ADK: variants seen among roughly 807,000 people sequenced by gnomAD.
The protein encoded by ADK is N6,N6-dimethyladenosine kinase.
Under a neutral mutation model 44.7 loss-of-function variants are expected in ADK, and 24 were observed. That is an observed-to-expected ratio of 0.54 (90% CI 0.39 to 0.76). The LOEUF (loss-of-function observed/expected upper bound fraction) is 0.76, where lower values mean the gene tolerates loss of function less well. ADK is among the 30% of genes least tolerant of loss of function. The probability of loss-of-function intolerance (pLI) is 0.00; values close to 1 mark genes in which losing one functional copy is unlikely to be tolerated. For missense variants in ADK, 321 were observed against 425.1 expected (o/e 0.76, Z 2.15); for synonymous variants, 128 against 142.6 (o/e 0.90, Z 0.73).
chr10:74,217,403 A>G (rs1844092364), intron 2 of ADK, among the ~76,000 whole-genome samples: 1 of 152,238 alleles, frequency 6.6e-6, no homozygotes, highest in Non-Finnish European at 1.5e-5. Flanking sequence ...CAGCTCAAGG[A>G]GGCCTTCCTG....
intron 6 of ADK, among the ~76,000 whole-genome samples, chr10:74,478,502 C>T (rs572752572): frequency 6.6e-6 from 1 of 152,332 alleles, no homozygotes; most frequent in East Asian, 1.9e-4. Flanking sequence ...GGATTAAAGA[C>T]ATGAGTGACC....
At chr10:74,464,761 T>C (rs1018377682) in intron 6 of ADK, among the ~76,000 whole-genome samples, 28 of 152,032 alleles carry the variant, frequency 1.8e-4, no homozygotes, top group African/African-American at 6.3e-4. Flanking sequence ...GATGGGTGGG[T>C]TACTTGAGCT....
At chr10:74,629,398 C>G (rs1053995297) in intron 9 of ADK, among the ~76,000 whole-genome samples, 7 of 152,136 alleles carry the variant, frequency 4.6e-5, no homozygotes, top group African/African-American at 1.4e-4. Flanking sequence ...CCTTAACTAT[C>G]AAGACCCAAG....
chr10:74,610,871 AATACATATATAGTGCTTT>A (rs1852514958), intron 9 of ADK, among the ~76,000 whole-genome samples: 1 of 152,116 alleles, frequency 6.6e-6, no homozygotes, highest in South Asian at 2.1e-4. Flanking sequence ...TATGTATGTA[AATACATATATAGTGCTTT>A]ATAGAAAGTT....
chr10:74,689,638 C>A (rs1047359326), intron 10 of ADK, among the ~76,000 whole-genome samples: 5 of 152,176 alleles, frequency 3.3e-5, no homozygotes, highest in African/African-American at 1.2e-4. Context: ...TACCTAGGAT[C>A]TTTGCTGCCA....
chr10:74,572,790 C>T (rs1431042120), intron 7 of ADK, among the ~76,000 whole-genome samples: 12 of 152,172 alleles, frequency 7.9e-5, no homozygotes, highest in Non-Finnish European at 1.3e-4. Context: ...TCCAGTTGAT[C>T]GAATCGGCTC....
chr10:74,348,861 GA>G (rs963525661), intron 4 of ADK, among the ~76,000 whole-genome samples: 98 of 146,074 alleles, frequency 6.7e-4, no homozygotes, highest in African/African-American at 1.1e-3. Flanking sequence ...CAAGATTAGA[GA>G]AAAAAAAAAT....
chr10:74,261,108 T>G (rs1591948759), intron 3 of ADK, among the ~76,000 whole-genome samples: 1 of 152,332 alleles, frequency 6.6e-6, no homozygotes, highest in South Asian at 2.1e-4. Context: ...AAGCAGTCTA[T>G]AATCGTTATT....
chr10:74,218,766 C>CAA (rs1402599106), intron 2 of ADK, among the ~76,000 whole-genome samples: 1 of 152,108 alleles, frequency 6.6e-6, no homozygotes, highest in Non-Finnish European at 1.5e-5. Context: ...TCCAGCCGAA[C>CAA]TAAGCTTCAT....
intron 4 of ADK, among the ~76,000 whole-genome samples, chr10:74,320,060 C>G (rs1459341938): frequency 6.6e-6 from 1 of 152,098 alleles, no homozygotes; most frequent in Non-Finnish European, 1.5e-5. Flanking sequence ...TACCAGAGTT[C>G]TTTACTTCTT....
chr10:74,327,837 A>G (rs1841073661), intron 4 of ADK, among the ~76,000 whole-genome samples: 1 of 152,178 alleles, frequency 6.6e-6, no homozygotes, highest in Non-Finnish European at 1.5e-5. Flanking sequence ...ATTTTAATCT[A>G]GTAACAACTT....
chr10:74,534,199 A>G (rs906774512), intron 7 of ADK, among the ~76,000 whole-genome samples: 4 of 152,216 alleles, frequency 2.6e-5, no homozygotes, highest in African/African-American at 9.6e-5. Context: ...TTGTGGTTGC[A>G]GTACTTTATA....
intron 7 of ADK, among the ~76,000 whole-genome samples, chr10:74,543,801 C>T (rs1231504843): frequency 6.6e-6 from 1 of 151,886 alleles, no homozygotes; most frequent in African/African-American, 2.4e-5. Flanking sequence ...AAAAGTAATC[C>T]AAGAACTAAA....
chr10:74,425,498 A>G (rs1390683489), intron 6 of ADK, among the ~76,000 whole-genome samples: 4 of 152,136 alleles, frequency 2.6e-5, no homozygotes, highest in Admixed American at 1.3e-4. Context: ...TAAATATTTT[A>G]AAGCTGGCTG....
In ADK at chr10:74,372,940, G is replaced by A. The variant is rs558300669; in HGVS notation, c.274-21201G>A. On this transcript the variant is annotated intron_variant, in intron 4 of 10. Transcript: ENST00000539909. The stretch of plus-strand genomic sequence containing the variant: ...GTTTCTCACTTCCCAATTAAAAAAC[G>A]TATGATGAAGCCATACCAATATGTA... Among the ~76,000 whole-genome samples the A allele has an allele frequency of 7.2e-5, 11 of 152,144 alleles. No individual in the cohort carries two copies. The South Asian group carries it at 1.7e-3, about 23-fold the overall frequency.
intron 3 of ADK, among the ~76,000 whole-genome samples, chr10:74,256,864 AT>A (rs1398967111): frequency 6.6e-6 from 1 of 152,228 alleles, no homozygotes; most frequent in Non-Finnish European, 1.5e-5. Flanking sequence ...TGAAGGAATC[AT>A]TGTAGAAGTA....
intron 9 of ADK, among the ~76,000 whole-genome samples, chr10:74,628,052 G>T (rs1206367777): frequency 6.6e-6 from 1 of 152,106 alleles, no homozygotes; most frequent in Non-Finnish European, 1.5e-5. Context: ...TCTTTGACAG[G>T]TGATATTAAG....
At chr10:74,411,437 T>G (rs539344303) in intron 6 of ADK, among the ~76,000 whole-genome samples, 2 of 152,362 alleles carry the variant, frequency 1.3e-5, no homozygotes, top group East Asian at 3.9e-4. Flanking sequence ...GCAAGTCACA[T>G]GAATATTTTG....
At chr10:74,442,100 C>CAACAT (rs1249772584) in intron 6 of ADK, among the ~76,000 whole-genome samples, 1 of 151,490 alleles carries the variant, frequency 6.6e-6, no homozygotes, top group Non-Finnish European at 1.5e-5. Context: ...CCAGCCTAGG[C>CAACAT]AACATAGGAA....
Sources: gnomAD v4.1 joint callset for allele counts (sites outside exome capture counted in the v4.1 genomes callset) on GRCh38, gnomAD v4.1.1 for gene constraint, MANE v1.5 for transcripts, NCBI Gene and HGNC (gene_info 2026-07-23, HGNC 2026-07-21) for gene names.